CCDC122: variants seen among roughly 807,000 people sequenced by gnomAD.
The protein encoded by CCDC122 is coiled-coil domain-containing protein 122.
Under a neutral mutation model 37.0 loss-of-function variants are expected in CCDC122, and 38 were observed. That is an observed-to-expected ratio of 1.03 (90% CI 0.79 to 1.35). The LOEUF is 1.35. Ranked by LOEUF, CCDC122 falls within the 40% of genes most tolerant of loss-of-function variation. The pLI, the probability that CCDC122 is intolerant of heterozygous loss-of-function variation, is 0.00. For synonymous variants in CCDC122, 83 were observed against 95.6 expected (o/e 0.87, Z 0.77); for missense variants, 305 against 310.0 (o/e 0.98, Z 0.12).
chr13:43,831,829 C>G (rs1953092255), downstream of CCDC122, among the ~76,000 whole-genome samples: 1 of 152,160 alleles, frequency 6.6e-6, no homozygotes, highest in Non-Finnish European at 1.5e-5. Context: ...TACTTCATGT[C>G]TGTCTTCACG....
intron 6 of CCDC122, among the ~76,000 whole-genome samples, chr13:43,845,532 A>G (rs1953491474): frequency 6.6e-6 from 1 of 152,118 alleles, no homozygotes; most frequent in Admixed American, 6.5e-5. Context: ...CCAGCATGGC[A>G]AAACCCCATC....
At chr13:43,851,238 T>C (rs765454359) in intron 6 of CCDC122, among the ~76,000 whole-genome samples, 4 of 152,078 alleles carry the variant, frequency 2.6e-5, no homozygotes, top group African/African-American at 7.2e-5. Context: ...GAAGAAATCA[T>C]AGAATGTCAG....
rs566414155 is a variant in CCDC122, at chr13:43,870,304, T to C, written c.-113-815A>G. The stretch of plus-strand genomic sequence containing the variant: ...ATCTCACTTCAAACTTACTCCTTCA[T>C]GAAGTCTTCCCTGATGCTGAGCTAT... On this transcript the variant is annotated intron_variant, in intron 2 of 6. Coordinates refer to ENST00000444614, the MANE Select transcript of CCDC122 (RefSeq NM_144974.5). Among the ~76,000 whole-genome samples the C allele has an allele frequency of 4.6e-5, 7 of 152,244 alleles. No homozygotes were observed. The East Asian group carries it at 1.4e-3, about 29-fold the overall frequency.
At chr13:43,837,740 T>A (rs147384564) in intron 6 of CCDC122, among the ~76,000 whole-genome samples, 3 of 152,274 alleles carry the variant, frequency 2.0e-5, no homozygotes, top group Non-Finnish European at 4.4e-5. Flanking sequence ...CAAAGTTTCA[T>A]AGCTAGCAAG....
At chr13:43,839,768 A>C (rs1762449872) in intron 6 of CCDC122, among the ~76,000 whole-genome samples, 1 of 152,130 alleles carries the variant, frequency 6.6e-6, no homozygotes, top group South Asian at 2.1e-4. Flanking sequence ...GAAAATACTT[A>C]TTATCTATGT....
intron 6 of CCDC122, chr13:43,854,248 C>T (rs766238104): frequency 2.0e-5 from 3 of 151,650 alleles, no homozygotes; most frequent in Admixed American, 6.6e-5. Context: ...TAGACTAACA[C>T]AGAATAGAGA....
chr13:43,860,553 A>G (rs1016244551), intron 4 of CCDC122, among the ~76,000 whole-genome samples: 26 of 138,040 alleles, frequency 1.9e-4, no homozygotes, highest in African/African-American at 8.1e-4. Context: ...GAGTATAAAG[A>G]TATTTACTTT....
intron 6 of CCDC122, among the ~76,000 whole-genome samples, chr13:43,849,673 T>C (rs576124521): frequency 4.6e-5 from 7 of 152,314 alleles, no homozygotes; most frequent in Non-Finnish European, 1.5e-5. Flanking sequence ...AGAAAACTTG[T>C]AGGCAGTAAC....
At chr13:43,860,240 A>G (rs953353207) in intron 4 of CCDC122, among the ~76,000 whole-genome samples, 170 bp from the exon 5 acceptor site, 1 of 152,102 alleles carries the variant, frequency 6.6e-6, no homozygotes, top group African/African-American at 2.4e-5. Context: ...CAATTATTTT[A>G]TAATTTCAGA....
chr13:43,866,854 A>G (rs760479108), intron 4 of CCDC122, among the ~76,000 whole-genome samples: 4 of 152,166 alleles, frequency 2.6e-5, no homozygotes, highest in Non-Finnish European at 5.9e-5. Context: ...TTTCTTTAAA[A>G]AAAAATGCCA....
At chr13:43,844,886 A>T (rs1953468564) in intron 6 of CCDC122, among the ~76,000 whole-genome samples, 1 of 152,120 alleles carries the variant, frequency 6.6e-6, no homozygotes, top group African/African-American at 2.4e-5. Flanking sequence ...TGAAGAGGTT[A>T]TGCTTGCCAC....
At chr13:43,834,904 A>T (rs1455826758), downstream of CCDC122, among the ~76,000 whole-genome samples, 1 of 152,202 alleles carries the variant, frequency 6.6e-6, no homozygotes, top group Non-Finnish European at 1.5e-5. Context: ...CAGTGTGGCG[A>T]TTCCTCAGGG....
chr13:43,828,797 C>A (rs1953063434), intron 3 of CCDC122, among the ~76,000 whole-genome samples: 2 of 152,028 alleles, frequency 1.3e-5, no homozygotes, highest in South Asian at 2.1e-4. Flanking sequence ...AAATTTAGTT[C>A]TTTAAAAGTT....
chr13:43,830,519 C>T (rs528403737), intron 3 of CCDC122, among the ~76,000 whole-genome samples: 2 of 152,154 alleles, frequency 1.3e-5, no homozygotes, highest in African/African-American at 4.8e-5. Context: ...AAGGAAAGTC[C>T]CTTTAAGGGT....
chr13:43,868,702 T>C lies in CCDC122; in HGVS notation c.148A>G (p.Asn50Asp). 6.5e-7 allele frequency: 1 copy of C among 1,541,722 alleles called. No homozygotes were observed. The highest frequency in any genetic ancestry group is 1.4e-5 in the African/African-American group (1 of 72,418). Residue 50 changes from asparagine to aspartate, a missense_variant, in exon 4 of 7, where the codon AAT becomes GAT. Coordinates refer to ENST00000444614, the MANE Select transcript of CCDC122 (RefSeq NM_144974.5). ...EIEKNKKVLF[N>D]LKNELHELEK... The stretch of plus-strand genomic sequence containing the variant: ...CTATATAAAGAAGTTACCTTCAAAT[T>C]GAACAGAACCTTTTTGTTTTTTTCT...
At chr13:43,868,874 C>T in intron 3 of CCDC122, 71 bp from the exon 4 acceptor site, 1 of 657,522 alleles carries the variant, frequency 1.5e-6, no homozygotes, top group South Asian at 4.0e-5. Context: ...AGTTATGTTT[C>T]TTTACTCAAA....
At chr13:43,861,247 T>C (rs993913360) in intron 4 of CCDC122, among the ~76,000 whole-genome samples, 3 of 152,182 alleles carry the variant, frequency 2.0e-5, no homozygotes, top group African/African-American at 7.2e-5. Context: ...AATTCAGTTA[T>C]GGAAGAGTTT....
intron 6 of CCDC122, among the ~76,000 whole-genome samples, chr13:43,841,875 A>G (rs1166700001): frequency 6.6e-6 from 1 of 151,888 alleles, no homozygotes; most frequent in Non-Finnish European, 1.5e-5. Context: ...CACACTGACT[A>G]ATTTTTTTAT....
At chr13:43,832,769 A>G (rs1953102141), downstream of CCDC122, among the ~76,000 whole-genome samples, 1 of 152,154 alleles carries the variant, frequency 6.6e-6, no homozygotes, top group Non-Finnish European at 1.5e-5. Flanking sequence ...TTTGATTTCA[A>G]CCTTGCCCCT....
Sources: gnomAD v4.1 joint callset for allele counts (sites outside exome capture counted in the v4.1 genomes callset) on GRCh38, gnomAD v4.1.1 for gene constraint, MANE v1.5 for transcripts, NCBI Gene and HGNC (gene_info 2026-07-23, HGNC 2026-07-21) for gene names.